Variants in GFPT2 observed in about 807,000 individuals in gnomAD.
GFPT2 encodes the protein glutamine--fructose-6-phosphate aminotransferase [isomerizing] 2.
Under a neutral mutation model 85.6 loss-of-function variants are expected in GFPT2, and 62 were observed. That is an observed-to-expected ratio of 0.72 (90% CI 0.59 to 0.90). The LOEUF (loss-of-function observed/expected upper bound fraction) is 0.90, where lower values mean the gene tolerates loss of function less well. Among genes scored for constraint, GFPT2 ranks in the 40% least tolerant of loss-of-function variants. The pLI, the probability that GFPT2 is intolerant of heterozygous loss-of-function variation, is 0.00. For missense variants in GFPT2, 788 were observed against 893.4 expected (o/e 0.88, Z 1.50); for synonymous variants, 368 against 344.5 (o/e 1.07, Z -0.75).
intron 7 of GFPT2, among the ~76,000 whole-genome samples, chr5:180,325,274 C>G (rs1764195125): frequency 6.6e-6 from 1 of 152,166 alleles, no homozygotes; most frequent in Admixed American, 6.5e-5. Flanking sequence ...TCCACCCAGC[C>G]TCGACGGCAG....
intron 1 of GFPT2, among the ~76,000 whole-genome samples, chr5:180,342,950 G>A (rs1764546510): frequency 6.6e-6 from 1 of 152,038 alleles, no homozygotes. Context: ...ACAACAACCA[G>A]AAAGTTCCCT....
rs1028254669 is a variant in GFPT2 at position 180,318,625 on chromosome 5, C to T, written c.958+168G>A. On this transcript the variant is annotated intron_variant, in intron 10 of 18. Coordinates refer to ENST00000253778, the MANE Select transcript of GFPT2 (RefSeq NM_005110.4). This position sits in a 1 kb window ranked among gnomAD's most constrained non-coding sequence, Gnocchi z 4.2. ...CGCTTGGAGGTGCCAGGCCAGCCTCCCCACATCCCCTCACCTGTGCAAGCC... is the reference window on the plus strand; with the variant it reads ...CGCTTGGAGGTGCCAGGCCAGCCTCTCCACATCCCCTCACCTGTGCAAGCC... 9 of 610,000 alleles carry T rather than the reference C, an allele frequency of 1.5e-5. No homozygotes were observed. In the African/African-American group the frequency reaches 1.7e-4, roughly 11 times the overall value. The allele number at this position is 610,000 out of a possible 1,614,324, so 37.8% of individuals were successfully genotyped here. A position where few individuals can be genotyped will look rare whatever the true frequency, so the allele number is the denominator to read the frequency against.
Position 180,353,280 on chromosome 5 carries a change from C to CCTCCGTGGGCTCCTCCGTGGG in GFPT2, c.-84_-64dup. The stretch of plus-strand genomic sequence containing the variant: ...GTCTGCCCGTTCGGACGCTGGGGCT[C>CCTCCGTGGGCTCCTCCGTGGG]CTCCGTGGGCTCCTCCGTGGGCTCC... On this transcript the variant is annotated 5_prime_UTR_variant, in exon 1 of 19. Transcript: ENST00000253778. The CCTCCGTGGGCTCCTCCGTGGG allele has an allele frequency of 2.5e-6, 3 of 1,218,766 alleles. No individual in the cohort carries two copies. The highest frequency in any genetic ancestry group is 3.1e-6 in the Non-Finnish European group (3 of 970,478). The allele number at this position is 1,218,766 out of a possible 1,614,324, so 75.5% of individuals were successfully genotyped here.
intron 4 of GFPT2, among the ~76,000 whole-genome samples, chr5:180,335,284 C>A (rs200722119): frequency 3.9e-5 from 6 of 152,220 alleles, no homozygotes; most frequent in Admixed American, 6.5e-5. Flanking sequence ...CTTCGGGCTG[C>A]GGCCCCTACT....
intron 3 of GFPT2, 84 bp downstream of exon 3, chr5:180,336,395 C>T (rs1764394869): frequency 2.5e-6 from 2 of 815,068 alleles, no homozygotes; most frequent in African/African-American, 3.4e-5. Flanking sequence ...AGGAGAATCT[C>T]CATTCTCCGG....
At chr5:180,303,539 G>A (rs1045812370) in intron 17 of GFPT2, among the ~76,000 whole-genome samples, 3 of 152,224 alleles carry the variant, frequency 2.0e-5, no homozygotes, top group African/African-American at 4.8e-5. Flanking sequence ...AGGACTGTGG[G>A]TCTCTGTGGC....
chr5:180,312,287 C>T (rs982717621), intron 15 of GFPT2, 143 bp downstream of exon 15: 9 of 639,170 alleles, frequency 1.4e-5, no homozygotes, highest in Non-Finnish European at 2.3e-5. Flanking sequence ...GCAGCAAGGC[C>T]TCCAGGAGGG....
At chr5:180,302,646 TAC>T (rs1309154946) in intron 17 of GFPT2, 62 bp from the exon 18 acceptor site, 2 of 1,321,838 alleles carry the variant, frequency 1.5e-6, no homozygotes, top group African/African-American at 1.4e-5. Flanking sequence ...CCCTGATGCA[TAC>T]AGAGTATCTG....
At chr5:180,302,175 T>A (rs1479847124) in intron 18 of GFPT2, among the ~76,000 whole-genome samples, 1 of 150,716 alleles carries the variant, frequency 6.6e-6, no homozygotes, top group Non-Finnish European at 1.5e-5. Context: ...TAGTCCCAGC[T>A]ACTCGGGAGG....
Position 180,317,076 on chromosome 5 carries a change from T to C in GFPT2, c.959-18A>G. On this transcript the variant is annotated intron_variant, in intron 10 of 18. Transcript: ENST00000253778. Reference sequence around the variant, plus strand: ...GAAGTTACCTGGTCAAATAAACGTCTGGTCAGTTTTAATTTCATTATATTT... The same window carrying C: ...GAAGTTACCTGGTCAAATAAACGTCCGGTCAGTTTTAATTTCATTATATTT... The C allele has an allele frequency of 1.4e-6, 2 of 1,448,776 alleles. No individual in the cohort carries two copies. The highest frequency in any genetic ancestry group is 1.9e-6 in the Non-Finnish European group (2 of 1,028,752). 89.7% of individuals were successfully genotyped at this position (1,448,776 alleles called of 1,614,324 possible).
chr5:180,344,981 A>G (rs1437740747), intron 1 of GFPT2, among the ~76,000 whole-genome samples: 2 of 152,232 alleles, frequency 1.3e-5, no homozygotes, highest in East Asian at 3.9e-4. Flanking sequence ...GCATACCCAG[A>G]AGCACAGAGG....
chr5:180,318,356 A>G lies in GFPT2; in HGVS notation c.958+437T>C, dbSNP rs1764053552. On this transcript the variant is annotated intron_variant, in intron 10 of 18. Transcript: ENST00000253778. This position sits in a 1 kb window ranked among gnomAD's most constrained non-coding sequence, Gnocchi z 4.2. ...GATTCATGTTCTTAGACGTTTGCTC[A>G]GGCTGCCCTGTGGGGTAGAGGTTGT... 6.6e-6 allele frequency among the ~76,000 whole-genome samples: 1 copy of G among 152,150 alleles called. No individual in the cohort carries two copies. The highest frequency in any genetic ancestry group is 1.5e-5 in the Non-Finnish European group (1 of 68,014).
chr5:180,305,771 A>T (rs62404924), intron 16 of GFPT2, among the ~76,000 whole-genome samples: 1 of 152,114 alleles, frequency 6.6e-6, no homozygotes, highest in Admixed American at 6.5e-5. Context: ...CTGGGGACTG[A>T]CAGTGCACCC....
chr5:180,330,621 T>C lies in GFPT2; in HGVS notation c.534+79A>G. On this transcript the variant is annotated intron_variant, in intron 6 of 18. Coordinates refer to ENST00000253778, the MANE Select transcript of GFPT2 (RefSeq NM_005110.4). This position sits in a 1 kb window ranked among gnomAD's most constrained non-coding sequence, Gnocchi z 4.4. ...GGGCTTATAAAAAATGAAGGATTCC[T>C]TGGCACTTGCTGCTTGAAAAAAATG... 8.3e-7 allele frequency: 1 copy of C among 1,206,372 alleles called. No homozygotes were observed. The highest frequency in any genetic ancestry group is 2.3e-5 in the East Asian group (1 of 42,824). The allele number at this position is 1,206,372 out of a possible 1,614,324, so 74.7% of individuals were successfully genotyped here.
intron 1 of GFPT2, among the ~76,000 whole-genome samples, chr5:180,346,668 G>T (rs1437071763): frequency 6.6e-6 from 1 of 150,872 alleles, no homozygotes; most frequent in African/African-American, 2.4e-5. Context: ...CAGTGCGTGC[G>T]CCCCTGGGGC....
At chr5:180,348,531 G>C (rs1764653305) in intron 1 of GFPT2, among the ~76,000 whole-genome samples, 1 of 152,246 alleles carries the variant, frequency 6.6e-6, no homozygotes, top group Admixed American at 6.5e-5. Context: ...CAGAAAGACA[G>C]AGGAGCCTGC....
At chr5:180,340,059 C>T (rs1281111919) in intron 1 of GFPT2, among the ~76,000 whole-genome samples, 1 of 152,206 alleles carries the variant, frequency 6.6e-6, no homozygotes, top group African/African-American at 2.4e-5. Flanking sequence ...TCTCACAGTT[C>T]TGGAGGCCGA....
chr5:180,309,298 A>C (rs1286920101), intron 15 of GFPT2, among the ~76,000 whole-genome samples: 1 of 152,190 alleles, frequency 6.6e-6, no homozygotes, highest in Non-Finnish European at 1.5e-5. Context: ...GGTTGCTTCT[A>C]CTGATGCGTC....
intron 9 of GFPT2, among the ~76,000 whole-genome samples, chr5:180,322,494 A>G (rs1764138525): frequency 6.6e-6 from 1 of 152,064 alleles, no homozygotes; most frequent in South Asian, 2.1e-4. Flanking sequence ...TGGTTCACCT[A>G]ACGTTTGCTG....
Sources: allele counts gnomAD v4.1 joint callset (sites outside exome capture counted in the v4.1 genomes callset), GRCh38; gene constraint gnomAD v4.1.1; non-coding constraint Gnocchi (gnomAD v3.1); transcripts MANE v1.5; gene names NCBI Gene and HGNC (gene_info 2026-07-23, HGNC 2026-07-21).